COBL: variants seen among roughly 807,000 people sequenced by gnomAD.
The protein encoded by COBL is cordon-bleu WH2 repeat protein.
COBL carries 51 observed loss-of-function variants against 98.8 expected under a neutral mutation model. That is an observed-to-expected ratio of 0.52 (90% CI 0.41 to 0.65). The LOEUF is 0.65. COBL is among the 30% of genes least tolerant of loss of function. The pLI is 0.00. For synonymous variants in COBL, 634 were observed against 651.7 expected (o/e 0.97, Z 0.41); for missense variants, 1,617 against 1,617.5 (o/e 1.00, Z 0.01).
At chr7:51,070,881 T>C (rs1562871760) in intron 7 of COBL, 1 of 152,318 alleles carries the variant, frequency 6.6e-6, no homozygotes, top group East Asian at 1.9e-4. Flanking sequence ...TTTAGAATCA[T>C]ATGAAAAGGT....
intron 6 of COBL, among the ~76,000 whole-genome samples, chr7:51,111,747 C>T (rs1377962093): frequency 6.6e-6 from 1 of 152,132 alleles, no homozygotes; most frequent in Non-Finnish European, 1.5e-5. Flanking sequence ...TCCTCAATAC[C>T]AGGAGGAGCT....
intron 5 of COBL, among the ~76,000 whole-genome samples, chr7:51,180,636 A>G (rs956038776): frequency 2.0e-5 from 3 of 152,248 alleles, no homozygotes; most frequent in African/African-American, 7.2e-5. Flanking sequence ...TATCTTTGGT[A>G]AAACTGGAGG....
At chr7:51,062,575 G>C (rs1447180436) in intron 7 of COBL, among the ~76,000 whole-genome samples, 2 of 152,192 alleles carry the variant, frequency 1.3e-5, no homozygotes, top group Non-Finnish European at 2.9e-5. Flanking sequence ...TTTAAGACCA[G>C]CCACACTGGC....
At chr7:51,235,406 T>C (rs531895289) in intron 1 of COBL, among the ~76,000 whole-genome samples, 106 of 152,308 alleles carry the variant, frequency 7.0e-4, no homozygotes, top group African/African-American at 2.5e-3. Flanking sequence ...CAAGTGCAGC[T>C]GCCCTGCATC....
chr7:51,086,629 G>GGAGA (rs3047140), intron 6 of COBL, among the ~76,000 whole-genome samples: 22 of 149,824 alleles, frequency 1.5e-4, no homozygotes, highest in African/African-American at 4.4e-4. Context: ...ACAATGAGAG[G>GGAGA]GAGAGAGAGA....
At chr7:51,280,659 G>A (rs1197430138) in intron 1 of COBL, among the ~76,000 whole-genome samples, 1 of 152,172 alleles carries the variant, frequency 6.6e-6, no homozygotes, top group Non-Finnish European at 1.5e-5. Context: ...GAGACACTTT[G>A]GAGAGGGAGG....
intron 6 of COBL, among the ~76,000 whole-genome samples, chr7:51,109,397 T>C (rs1407611992): frequency 6.6e-6 from 1 of 152,186 alleles, no homozygotes; most frequent in Non-Finnish European, 1.5e-5. Flanking sequence ...CGGACCCTTC[T>C]GGATAATCTT....
chr7:51,091,477 G>A (rs1447898962), intron 6 of COBL, among the ~76,000 whole-genome samples: 3 of 152,036 alleles, frequency 2.0e-5, no homozygotes, highest in Non-Finnish European at 2.9e-5. Context: ...AAATTATTGA[G>A]TAAAGGAATA....
chr7:51,202,911 C>T (rs988858568), intron 2 of COBL, among the ~76,000 whole-genome samples: 75 of 152,132 alleles, frequency 4.9e-4, no homozygotes, highest in Non-Finnish European at 9.4e-4. Flanking sequence ...CATGGTGGCA[C>T]GGGCCTGTAA....
intron 6 of COBL, among the ~76,000 whole-genome samples, chr7:51,088,370 T>C (rs978454242): frequency 6.6e-6 from 1 of 151,782 alleles, no homozygotes; most frequent in African/African-American, 2.4e-5. Context: ...TTCTCCATTG[T>C]AAGACTCATG....
chr7:51,065,978 C>T (rs1206034745), intron 7 of COBL, among the ~76,000 whole-genome samples: 3 of 152,110 alleles, frequency 2.0e-5, no homozygotes, highest in African/African-American at 2.4e-5. Context: ...CCAACCCTGC[C>T]GACACTTTGA....
rs191021813 is a variant in COBL, at chr7:51,172,273, A to C, written c.783+11829T>G. ...AGAAAAGTAGAAACTAAAATATTCCACGTATTCCAAAAGTAGCATGGGCAA... is the reference window on the plus strand; with the variant it reads ...AGAAAAGTAGAAACTAAAATATTCCCCGTATTCCAAAAGTAGCATGGGCAA... On this transcript the variant is annotated intron_variant, in intron 5 of 12. Coordinates refer to ENST00000265136, the MANE Select transcript of COBL (RefSeq NM_015198.5). 2.7e-3 allele frequency among the ~76,000 whole-genome samples: 411 copies of C among 152,338 alleles called. 1 individual carries two copies. The highest frequency in any genetic ancestry group is 2.8e-3 in the Non-Finnish European group (189 of 68,036).
At chr7:51,236,903 C>G (rs1451730034) in intron 1 of COBL, among the ~76,000 whole-genome samples, 1 of 152,208 alleles carries the variant, frequency 6.6e-6, no homozygotes, top group Admixed American at 6.5e-5. Context: ...AGCAGGAACT[C>G]AGGGGGTCAA....
chr7:51,093,551 G>A (rs1795005116), intron 6 of COBL, among the ~76,000 whole-genome samples: 1 of 152,166 alleles, frequency 6.6e-6, no homozygotes, highest in Non-Finnish European at 1.5e-5. Flanking sequence ...GCACTTCTAT[G>A]TTCATTTCAA....
At chr7:51,246,638 A>C (rs1796290987) in intron 1 of COBL, among the ~76,000 whole-genome samples, 2 of 152,194 alleles carry the variant, frequency 1.3e-5, no homozygotes, top group Admixed American at 1.3e-4. Flanking sequence ...TATCTCATTC[A>C]AATAAAATGC....
At chr7:51,270,833 C>T (rs1272931875) in intron 1 of COBL, among the ~76,000 whole-genome samples, 1 of 147,180 alleles carries the variant, frequency 6.8e-6, no homozygotes, top group South Asian at 2.1e-4. Flanking sequence ...AAAAAAAAAT[C>T]AAAACCAAAA....
At chr7:51,259,470 G>C in intron 1 of COBL, 1 of 568,736 alleles carries the variant, frequency 1.8e-6, no homozygotes, top group Non-Finnish European at 3.2e-6. Context: ...TGTTCACCCC[G>C]ACAGCCAGGT....
chr7:51,141,865 A>G (rs1215002992), intron 5 of COBL, among the ~76,000 whole-genome samples: 1 of 152,148 alleles, frequency 6.6e-6, no homozygotes, highest in East Asian at 1.9e-4. Flanking sequence ...GCTGCTTCTC[A>G]TCTGTGGTGG....
At chr7:51,312,429 C>T (rs1803148696) in intron 1 of COBL, among the ~76,000 whole-genome samples, 1 of 152,096 alleles carries the variant, frequency 6.6e-6, no homozygotes, top group Non-Finnish European at 1.5e-5. Context: ...ATTTGTATGT[C>T]CTTGATCTAA....
Sources: allele counts gnomAD v4.1 joint callset (sites outside exome capture counted in the v4.1 genomes callset), GRCh38; gene constraint gnomAD v4.1.1; transcripts MANE v1.5; gene names NCBI Gene and HGNC (gene_info 2026-07-23, HGNC 2026-07-21).